CIT: variants seen among roughly 807,000 people sequenced by gnomAD.
CIT encodes the protein citron Rho-interacting kinase.
In CIT, 79 loss-of-function variants were observed where a neutral mutation model predicts 272.7. The observed-to-expected ratio is 0.29, with a 90% CI of 0.24 to 0.35. The LOEUF (loss-of-function observed/expected upper bound fraction) is 0.35, where lower values mean the gene tolerates loss of function less well. Ranked by LOEUF, CIT falls within the 10% of genes least tolerant of loss-of-function variation. The pLI is 1.00. For missense variants in CIT, 1,909 were observed against 2,618.3 expected (o/e 0.73, Z 5.91); for synonymous variants, 948 against 995.6 (o/e 0.95, Z 0.90).
At chr12:119,834,520 T>C (rs1351282493) in intron 5 of CIT, among the ~76,000 whole-genome samples, 2 of 152,184 alleles carry the variant, frequency 1.3e-5, no homozygotes, top group South Asian at 2.1e-4. Context: ...CACCCACAAG[T>C]TGACACCCCA....
chr12:119,872,122 T>C (rs1468067540), intron 2 of CIT, among the ~76,000 whole-genome samples: 1 of 152,226 alleles, frequency 6.6e-6, no homozygotes, highest in Admixed American at 6.5e-5. Context: ...AATTTAAAAA[T>C]GGTCCTTTAT....
chr12:119,842,218 G>A (rs980638122), intron 5 of CIT, among the ~76,000 whole-genome samples: 9 of 151,752 alleles, frequency 5.9e-5, no homozygotes, highest in African/African-American at 1.2e-4. Context: ...GTGAAACTCC[G>A]TCTCTACTAA....
intron 13 of CIT, among the ~76,000 whole-genome samples, chr12:119,777,446 C>T (rs1428185618): frequency 4.6e-5 from 7 of 151,728 alleles, no homozygotes; most frequent in Admixed American, 4.6e-4. Context: ...CTGAGGCAGG[C>T]GGATCACAAG....
At chr12:119,841,732 T>C (rs554169014) in intron 5 of CIT, among the ~76,000 whole-genome samples, 2 of 152,318 alleles carry the variant, frequency 1.3e-5, no homozygotes, top group African/African-American at 4.8e-5. Context: ...TGTTCTTTTT[T>C]CCTACCAGGC....
At chr12:119,832,899 C>T in intron 6 of CIT, 35 bp from the exon 7 acceptor site, 1 of 1,497,172 alleles carries the variant, frequency 6.7e-7, no homozygotes, top group Admixed American at 1.7e-5. Flanking sequence ...TTGCCTCCTC[C>T]ATCCCAATCA....
intron 3 of CIT, among the ~76,000 whole-genome samples, chr12:119,859,809 G>A (rs550494141): frequency 5.2e-4 from 79 of 151,014 alleles, no homozygotes; most frequent in Admixed American, 9.2e-4. Context: ...GTGAGACTCC[G>A]TCTCAAAAAA....
intron 21 of CIT, 131 bp downstream of exon 21, chr12:119,758,460 C>A (rs908906971): frequency 3.0e-6 from 2 of 674,718 alleles, no homozygotes; most frequent in East Asian, 2.6e-5. Flanking sequence ...ACGTAAGTAT[C>A]TGAGGGCTGG....
intron 18 of CIT, among the ~76,000 whole-genome samples, chr12:119,767,912 CTTT>C (rs746988178): frequency 7.3e-6 from 1 of 136,256 alleles, no homozygotes. Context: ...AAGTTTCCAG[CTTT>C]TTTTTTTTTT....
intron 28 of CIT, among the ~76,000 whole-genome samples, chr12:119,727,054 T>C (rs1958155059): frequency 6.6e-6 from 1 of 152,256 alleles, no homozygotes; most frequent in Non-Finnish European, 1.5e-5. Flanking sequence ...CCTATCGGCA[T>C]GAAACTTAAT....
intron 9 of CIT, among the ~76,000 whole-genome samples, chr12:119,815,785 G>A (rs1488687958): frequency 2.0e-5 from 3 of 152,124 alleles, no homozygotes; most frequent in Non-Finnish European, 2.9e-5. Context: ...AGTGTTATAG[G>A]AGCATAGAAT....
chr12:119,788,862 T>TC (rs1232917226), intron 10 of CIT, among the ~76,000 whole-genome samples: 1 of 152,178 alleles, frequency 6.6e-6, no homozygotes, highest in Non-Finnish European at 1.5e-5. Context: ...AATTAAGAGC[T>TC]CTTTAGAATA....
chr12:119,790,144 A>G (rs752433775), intron 10 of CIT, among the ~76,000 whole-genome samples: 1 of 152,156 alleles, frequency 6.6e-6, no homozygotes, highest in Non-Finnish European at 1.5e-5. Context: ...TCGATCAAAG[A>G]CTGGCCTCAG....
At chr12:119,752,620 A>G (rs1960408178) in intron 22 of CIT, among the ~76,000 whole-genome samples, 1 of 152,246 alleles carries the variant, frequency 6.6e-6, no homozygotes, top group Non-Finnish European at 1.5e-5. Context: ...TATTAGTAAC[A>G]AGGACATCTT....
chr12:119,733,864 C>G (rs2137247748), intron 26 of CIT, among the ~76,000 whole-genome samples: 1 of 152,172 alleles, frequency 6.6e-6, no homozygotes, highest in South Asian at 2.1e-4. Context: ...TGACAAGAAA[C>G]CTCATGAGAG....
intron 10 of CIT, among the ~76,000 whole-genome samples, chr12:119,792,529 G>C (rs1355165239): frequency 6.6e-6 from 1 of 152,084 alleles, no homozygotes; most frequent in Non-Finnish European, 1.5e-5. Context: ...GAGTGCAGTG[G>C]TGCGATCTCG....
At position 119,770,860 on chromosome 12, in the gene CIT, C is replaced by T; in HGVS notation, c.2133G>A (p.Glu711=). The T allele has an allele frequency of 1.9e-6, 3 of 1,612,884 alleles. No individual in the cohort carries two copies. The highest frequency in any genetic ancestry group is 3.3e-5 in the Admixed American group (2 of 60,026). The change falls in exon 18 of 48, where the codon GAG becomes GAA. Residue 711 remains glutamate, a synonymous_variant. Transcript: ENST00000392521. This position sits in a 1 kb window ranked among gnomAD's most constrained non-coding sequence, Gnocchi z 4.4. ...CATCCTTCAGTCTGTTTTCTCTACG[C>T]TCCATGGTCTCTAGTCTCTTTACCT... The part of the protein sequence containing the change: ...ENKVKRLETM[E]RRENRLKDDI...
At position 119,710,836 on chromosome 12, in the gene CIT, G is replaced by A. The variant is rs928347384; in HGVS notation, c.4855-216C>T. 3 of 637,856 alleles carry A rather than the reference G, an allele frequency of 4.7e-6. No individual in the cohort carries two copies. Among genetic ancestry groups the A allele is most frequent in the Non-Finnish European group, 8.0e-6 (3 of 373,872 alleles). The allele number at this position is 637,856 out of a possible 1,614,324, so 39.5% of individuals were successfully genotyped here. On this transcript the variant is annotated intron_variant, in intron 37 of 47. Coordinates refer to ENST00000392521, the MANE Select transcript of CIT (RefSeq NM_001206999.2). The surrounding 1 kb of genome is among the most constrained non-coding windows in gnomAD (Gnocchi z 5.6). ...GTATCTCTGGGGCAGCTGTTAATTA[G>A]CATCTGAGTTATAATTTGGCTGGGA...
intron 9 of CIT, among the ~76,000 whole-genome samples, chr12:119,806,579 G>A (rs1298642287): frequency 1.3e-5 from 2 of 152,056 alleles, no homozygotes; most frequent in African/African-American, 4.8e-5. Flanking sequence ...AACTTGTAGG[G>A]GTGTTTTTGC....
At chr12:119,871,139 G>A (rs1028483394) in intron 2 of CIT, among the ~76,000 whole-genome samples, 8 of 147,542 alleles carry the variant, frequency 5.4e-5, no homozygotes, top group Non-Finnish European at 1.2e-4. Flanking sequence ...AAAAAGTTAC[G>A]AGTCCTGGGC....
Sources: allele counts gnomAD v4.1 joint callset (sites outside exome capture counted in the v4.1 genomes callset), GRCh38; gene constraint gnomAD v4.1.1; non-coding constraint Gnocchi (gnomAD v3.1); transcripts MANE v1.5; gene names NCBI Gene and HGNC (gene_info 2026-07-23, HGNC 2026-07-21).